Variants in PRKN observed in about 807,000 individuals in gnomAD.
PRKN encodes the protein E3 ubiquitin-protein ligase parkin.
Under a neutral mutation model 59.5 loss-of-function variants are expected in PRKN, and 56 were observed. That is an observed-to-expected ratio of 0.94 (90% CI 0.76 to 1.18). The LOEUF (loss-of-function observed/expected upper bound fraction) is 1.18, where lower values mean the gene tolerates loss of function less well. PRKN is among the 50% of genes most tolerant of loss of function. PRKN has a pLI of 0.00. For synonymous variants in PRKN, 250 were observed against 222.1 expected (o/e 1.13, Z -1.12); for missense variants, 657 against 596.4 (o/e 1.10, Z -1.06).
intron 2 of PRKN, among the ~76,000 whole-genome samples, chr6:162,366,203 C>A (rs1196462750): frequency 1.3e-5 from 2 of 152,136 alleles, no homozygotes; most frequent in East Asian, 3.8e-4. Flanking sequence ...TCTAAAGAAT[C>A]TTTTTACATT....
intron 4 of PRKN, among the ~76,000 whole-genome samples, chr6:162,194,646 T>TA (rs920442607): frequency 6.6e-6 from 1 of 152,162 alleles, no homozygotes. Context: ...AATACATGTA[T>TA]AAAAAATAAA....
At chr6:161,853,161 TAATATGGC>T (rs1793506340) in intron 6 of PRKN, among the ~76,000 whole-genome samples, 1 of 152,222 alleles carries the variant, frequency 6.6e-6, no homozygotes, top group Non-Finnish European at 1.5e-5. Flanking sequence ...AATTTGATAT[TAATATGGC>T]AATATGGAGT....
intron 7 of PRKN, among the ~76,000 whole-genome samples, chr6:161,645,724 T>G (rs1027567464): frequency 1.3e-5 from 2 of 152,258 alleles, no homozygotes; most frequent in Non-Finnish European, 2.9e-5. Context: ...CAATAAAGTG[T>G]CCATCACTTT....
chr6:162,691,047 T>C (rs1347069151), intron 1 of PRKN, among the ~76,000 whole-genome samples: 1 of 152,160 alleles, frequency 6.6e-6, no homozygotes, highest in Non-Finnish European at 1.5e-5. Context: ...CTGAGGTGTT[T>C]CCCATTCATC....
chr6:161,796,776 G>A (rs1458212748), intron 6 of PRKN, among the ~76,000 whole-genome samples: 1 of 152,008 alleles, frequency 6.6e-6, no homozygotes, highest in African/African-American at 2.4e-5. Flanking sequence ...ATAGTTTCTG[G>A]GTCATATCAT....
intron 9 of PRKN, among the ~76,000 whole-genome samples, chr6:161,479,331 A>T (rs1791277053): frequency 6.6e-6 from 1 of 152,232 alleles, no homozygotes; most frequent in South Asian, 2.1e-4. Context: ...AAGTGTGGGT[A>T]TGTATCCTAA....
chr6:161,842,845 G>GC (rs1255586026), intron 6 of PRKN, among the ~76,000 whole-genome samples: 1 of 152,130 alleles, frequency 6.6e-6, no homozygotes, highest in Non-Finnish European at 1.5e-5. Flanking sequence ...ACTGCACCCC[G>GC]CCTCTTCCTT....
At chr6:162,023,482 G>A (rs1292031180) in intron 5 of PRKN, among the ~76,000 whole-genome samples, 1 of 151,974 alleles carries the variant, frequency 6.6e-6, no homozygotes, top group African/African-American at 2.4e-5. Context: ...GCTCTCCTCC[G>A]ACCGCCCCAG....
At position 162,359,079 on chromosome 6, in the gene PRKN, A is replaced by AATATATAT. The variant is rs1554304695; in HGVS notation, c.171+84223_171+84230dup. Among the ~76,000 whole-genome samples the AATATATAT allele has an allele frequency of 4.1e-3, 340 of 83,150 alleles. 5 individuals carry two copies. The highest frequency in any genetic ancestry group is 0.012 in the Middle Eastern group (2 of 164). The allele number at this position is 83,150 out of a possible 152,430, so 54.5% of individuals were successfully genotyped here. ...TGTGGCAAAAAAAAAAAAAAAAAAA[A>AATATATAT]ATATATATATATATATATGAAATCA... On this transcript the variant is annotated intron_variant, in intron 2 of 11. Transcript: ENST00000366898.
intron 3 of PRKN, among the ~76,000 whole-genome samples, chr6:162,220,704 C>G (rs1777888030): frequency 6.6e-6 from 1 of 152,182 alleles, no homozygotes. Flanking sequence ...AAACGGAACT[C>G]CACATGGACA....
intron 9 of PRKN, among the ~76,000 whole-genome samples, chr6:161,403,592 C>T (rs1034719163): frequency 4.2e-4 from 64 of 152,278 alleles, no homozygotes; most frequent in African/African-American, 1.3e-3. Context: ...TGACTCTGCC[C>T]CATCTCTGTG....
chr6:161,508,809 G>C (rs1441284646), intron 9 of PRKN, among the ~76,000 whole-genome samples: 3 of 151,640 alleles, frequency 2.0e-5, no homozygotes, highest in Non-Finnish European at 4.4e-5. Context: ...CCAGAGCTAA[G>C]AATAGGAAAG....
At chr6:162,564,777 G>A (rs1779990571) in intron 1 of PRKN, among the ~76,000 whole-genome samples, 1 of 149,506 alleles carries the variant, frequency 6.7e-6, no homozygotes, top group African/African-American at 2.5e-5. Context: ...ACATGAAGGA[G>A]AAATAAAGAC....
intron 2 of PRKN, among the ~76,000 whole-genome samples, chr6:162,378,041 G>A (rs191181703): frequency 7.2e-5 from 11 of 152,182 alleles, no homozygotes; most frequent in South Asian, 2.1e-4. Flanking sequence ...TCCCTTTCTC[G>A]TCGGGATTCA....
In PRKN at chr6:161,506,127, T is replaced by C. The variant is rs202200733; in HGVS notation, c.1083+42727A>G. 5.9e-4 allele frequency among the ~76,000 whole-genome samples: 90 copies of C among 151,512 alleles called. 3 individuals are homozygous for C. The East Asian group carries it at 0.016, about 27-fold the overall frequency. On this transcript the variant is annotated intron_variant, in intron 9 of 11. Coordinates refer to ENST00000366898, the MANE Select transcript of PRKN (RefSeq NM_004562.3). ...TAAATTACCTTGGGCAGTATGGCCA[T>C]TTTCACGATATTGATTCTTCCTACC...
In PRKN at chr6:161,588,805, A is replaced by G. The variant is rs1781611215; in HGVS notation, c.872-19389T>C. ...GAGAAGGACAGAACTTAATTTTGGC[A>G]CAAGCCTAGGACTGCCAGATTTAGC... On this transcript the variant is annotated intron_variant, in intron 7 of 11. Coordinates refer to ENST00000366898, the MANE Select transcript of PRKN (RefSeq NM_004562.3). This position sits in a 1 kb window ranked among gnomAD's most constrained non-coding sequence, Gnocchi z 5.0. 6.6e-6 allele frequency among the ~76,000 whole-genome samples: 1 copy of G among 152,230 alleles called. No individual in the cohort carries two copies. Among genetic ancestry groups the G allele is most frequent in the Admixed American group, 6.5e-5 (1 of 15,286 alleles).
rs1789440755 is a variant in PRKN, at chr6:161,445,447, C to T, written c.1084-58570G>A. ...GCTGAGGCCCACCCTCCCCTTTCTC[C>T]TACACATGGACACCTCTGAGTGGAA... On this transcript the variant is annotated intron_variant, in intron 9 of 11. Transcript: ENST00000366898. The surrounding 1 kb of genome is among the most constrained non-coding windows in gnomAD (Gnocchi z 7.7). 1.3e-5 allele frequency among the ~76,000 whole-genome samples: 2 copies of T among 152,158 alleles called. No individual in the cohort carries two copies. The highest frequency in any genetic ancestry group is 4.8e-5 in the African/African-American group (2 of 41,446).
At chr6:161,935,430 T>A (rs1184043820) in intron 6 of PRKN, among the ~76,000 whole-genome samples, 1 of 151,836 alleles carries the variant, frequency 6.6e-6, no homozygotes, top group Non-Finnish European at 1.5e-5. Context: ...GGTATGTACC[T>A]GTAATCCCAG....
intron 1 of PRKN, among the ~76,000 whole-genome samples, chr6:162,702,509 G>C (rs1778194159): frequency 6.6e-6 from 1 of 152,070 alleles, no homozygotes. Flanking sequence ...CTACTATCTT[G>C]ATTCTGCAAA....
Sources: gnomAD v4.1 joint callset for allele counts (sites outside exome capture counted in the v4.1 genomes callset) on GRCh38, gnomAD v4.1.1 for gene constraint, Gnocchi (gnomAD v3.1) non-coding constraint, MANE v1.5 for transcripts, NCBI Gene and HGNC (gene_info 2026-07-23, HGNC 2026-07-21) for gene names.